CLIP3: variants seen among roughly 807,000 people sequenced by gnomAD.
CLIP3 encodes CAP-Gly domain-containing linker protein 3.
A neutral mutation model predicts 59.4 loss-of-function variants in CLIP3; 15 were observed. That is an observed-to-expected ratio of 0.25 (90% CI 0.17 to 0.39). The LOEUF is 0.39. Among genes scored for constraint, CLIP3 ranks in the 10% least tolerant of loss-of-function variants. The probability of loss-of-function intolerance (pLI) is 1.00; values close to 1 mark genes in which losing one functional copy is unlikely to be tolerated. For missense variants in CLIP3, 495 were observed against 765.7 expected (o/e 0.65, Z 4.17); for synonymous variants, 300 against 321.6 (o/e 0.93, Z 0.72).
Position 36,019,293 on chromosome 19 carries a change from C to T in CLIP3, c.932G>A (p.Arg311Gln), listed in dbSNP as rs1191810234. 3 of 1,612,458 alleles carry T rather than the reference C, an allele frequency of 1.9e-6. No homozygotes were observed. The highest frequency in any genetic ancestry group is 1.7e-5 in the Admixed American group (1 of 59,904). The change falls in exon 8 of 14, where the codon CGG becomes CAG. Residue 311 changes from arginine (R) to glutamine (Q), a missense_variant. By Grantham distance (43) the Arg-to-Gln change is conservative. Around this residue, in one of 5 missense-constraint regions of CLIP3, gnomAD observed 194 missense variants for 327.8 expected, o/e 0.59. Transcript: ENST00000360535. ...GGCAAACTCCGTGGTCCCACAGAACCGCAGTGTGCCCGTCTGGGGAGAGAA... is the reference window on the plus strand; with the variant it reads ...GGCAAACTCCGTGGTCCCACAGAACTGCAGTGTGCCCGTCTGGGGAGAGAA... ...LLDGQKTGTL[R>Q]FCGTTEFASG... is the part of the protein sequence containing the mutation.
At chr19:36,025,356 C>T (rs1969073877) in intron 6 of CLIP3, among the ~76,000 whole-genome samples, 1 of 151,464 alleles carries the variant, frequency 6.6e-6, no homozygotes, top group Admixed American at 6.6e-5. Context: ...TTTGTGAGGC[C>T]GAGGTGGGCA....
intron 2 of CLIP3, among the ~76,000 whole-genome samples, chr19:36,029,282 T>C (rs940314674): frequency 7.2e-6 from 1 of 139,640 alleles, no homozygotes; most frequent in Admixed American, 7.5e-5. Context: ...ATTGCACCAT[T>C]GCACTCCAGC....
At chr19:36,031,243 C>T (rs1969260037) in intron 2 of CLIP3, among the ~76,000 whole-genome samples, 1 of 151,974 alleles carries the variant, frequency 6.6e-6, no homozygotes, top group Non-Finnish European at 1.5e-5. Context: ...TCTCAAACTC[C>T]TGACCTCAGG....
Position 36,019,274 on chromosome 19 carries a change from C to G in CLIP3, c.951G>C (p.Glu317Asp). 1 of 1,613,556 alleles carries G rather than the reference C, an allele frequency of 6.2e-7. No homozygotes were observed. The highest frequency in any genetic ancestry group is 1.1e-5 in the South Asian group (1 of 91,086). The part of the protein sequence containing the change: ...TGTLRFCGTT[E>D]FASGQWVGVE... ...CGCCCACCCACTGGCCGCTGGCAAA[C>G]TCCGTGGTCCCACAGAACCGCAGTG... Residue 317 changes from glutamate (E) to aspartate (D), a missense_variant, in exon 8 of 14, where the codon GAG becomes GAC. By Grantham distance (45) the Glu-to-Asp change is conservative. Transcript: ENST00000360535.
chr19:36,030,037 G>A (rs953809651), intron 2 of CLIP3, among the ~76,000 whole-genome samples: 1 of 152,076 alleles, frequency 6.6e-6, no homozygotes, highest in Admixed American at 6.6e-5. Flanking sequence ...CCCGACCTCA[G>A]GCCCCAGATA....
At chr19:36,023,673 C>T (rs1267589863) in intron 7 of CLIP3, among the ~76,000 whole-genome samples, 2 of 151,910 alleles carry the variant, frequency 1.3e-5, no homozygotes, top group African/African-American at 2.4e-5. Context: ...CCCAAAATGC[C>T]GGGATTAGAG....
chr19:36,026,538 C>G lies in CLIP3; in HGVS notation c.562+48G>C, dbSNP rs777185299. On this transcript the variant is annotated intron_variant, in intron 5 of 13. Coordinates refer to ENST00000360535, the MANE Select transcript of CLIP3 (RefSeq NM_015526.3). The surrounding 1 kb of genome is among the most constrained non-coding windows in gnomAD (Gnocchi z 6.3). Reference sequence around the variant, plus strand: ...CCTGGCCTCACCTGGGTCTCCGCGTCCCTCACCCAGGTCCTTGCCCCCTCC... The same window carrying G: ...CCTGGCCTCACCTGGGTCTCCGCGTGCCTCACCCAGGTCCTTGCCCCCTCC... 14 of 1,605,774 alleles carry G rather than the reference C, an allele frequency of 8.7e-6. No homozygotes were observed. The highest frequency in any genetic ancestry group is 1.2e-5 in the Non-Finnish European group (14 of 1,175,168).
intron 12 of CLIP3, 152 bp downstream of exon 12, chr19:36,017,234 T>G: frequency 2.4e-6 from 2 of 843,488 alleles, no homozygotes; most frequent in Non-Finnish European, 3.9e-6. Flanking sequence ...CTCTAGCACC[T>G]ATCTTTTTGT....
chr19:36,017,514 G>A, intron 11 of CLIP3, 64 bp from the exon 12 acceptor site: 1 of 1,603,484 alleles, frequency 6.2e-7, no homozygotes, highest in Non-Finnish European at 8.5e-7. Flanking sequence ...ACTGAGAGCT[G>A]GGCCCCAGGG....
rs1439875421 is a variant in CLIP3 at position 36,017,652 on chromosome 19, C to T, written c.1451+3G>A. ...TGGGTTTGGGCTGGAAGTTTGGGCTCACCTCTGAATACGGGATGCTGGTGC... is the reference window on the plus strand; with the variant it reads ...TGGGTTTGGGCTGGAAGTTTGGGCTTACCTCTGAATACGGGATGCTGGTGC... On this transcript the variant is annotated splice_donor_region_variant and intron_variant, in intron 11 of 13. Coordinates refer to ENST00000360535, the MANE Select transcript of CLIP3 (RefSeq NM_015526.3). 2 of 1,613,850 alleles carry T rather than the reference C, an allele frequency of 1.2e-6. No individual in the cohort carries two copies. Among genetic ancestry groups the T allele is most frequent in the Admixed American group, 1.7e-5 (1 of 59,966 alleles).
At position 36,017,670 on chromosome 19, in the gene CLIP3, G is replaced by A; in HGVS notation, c.1436C>T (p.Ala479Val). 3.1e-6 allele frequency: 5 copies of A among 1,614,040 alleles called. No homozygotes were observed. Among genetic ancestry groups the A allele is most frequent in the Non-Finnish European group, 4.2e-6 (5 of 1,179,974 alleles). ...TTGGGCTCACCTCTGAATACGGGATGCTGGTGCGAAGACCCCATGCCTCGG... is the reference window on the plus strand; with the variant it reads ...TTGGGCTCACCTCTGAATACGGGATACTGGTGCGAAGACCCCATGCCTCGG... Reference protein sequence around the residue: ...CPPRHGVFAPASRIQRIGGST... With the variant: ...CPPRHGVFAPVSRIQRIGGST... Residue 479 changes from alanine (A) to valine (V), a missense_variant, in exon 11 of 14, where the codon GCA (alanine) becomes GTA (valine). Ala to Val is a moderately conservative substitution (Grantham distance 64). Around this residue, in one of 5 missense-constraint regions of CLIP3, gnomAD observed 179 missense variants for 226.2 expected, o/e 0.79. Coordinates refer to ENST00000360535, the MANE Select transcript of CLIP3 (RefSeq NM_015526.3).
At position 36,020,988 on chromosome 19, in the gene CLIP3, GGA is replaced by G. The variant is rs1968937054; in HGVS notation, c.919-1684_919-1683del. Among the ~76,000 whole-genome samples the G allele has an allele frequency of 2.0e-5, 3 of 152,110 alleles. No homozygotes were observed. In the South Asian group the frequency reaches 6.2e-4, roughly 32 times the overall value. On this transcript the variant is annotated intron_variant, in intron 7 of 13. Transcript: ENST00000360535. ...CCCTCCTCAGTCTCCCGAGTAGCTGGGACTACAGGTGAACGCCACCAAAGCCT... is the reference window on the plus strand; with the variant it reads ...CCCTCCTCAGTCTCCCGAGTAGCTGGCTACAGGTGAACGCCACCAAAGCCT...
chr19:36,027,872 C>T (rs117350998), intron 2 of CLIP3, among the ~76,000 whole-genome samples: 2,148 of 151,406 alleles, frequency 0.014, 118 homozygotes, highest in South Asian at 0.12. Context: ...CCTGTCTTTA[C>T]AAAAAGTTTT....
chr19:36,017,702 AG>A lies in CLIP3; in HGVS notation c.1403del (p.Thr468IlefsTer37). ...CGAAGACCCCATGCCTCGGGGGGCA[AG>A]TGAAGTACCGGACACCGAAGACAGA... ...DGSVFGVRYFTCPPRHGVFAP... is the reference protein window; with the variant it reads ...DGSVFGVRYFXCPPRHGVFAP... On this transcript the variant is annotated frameshift_variant, in exon 11 of 14. Transcript: ENST00000360535. LOFTEE classifies it high-confidence loss of function. The A allele has an allele frequency of 6.2e-7, 1 of 1,613,882 alleles. No homozygotes were observed. Among genetic ancestry groups the A allele is most frequent in the Non-Finnish European group, 8.5e-7 (1 of 1,179,832 alleles).
At chr19:36,028,273 G>C (rs1396121182) in intron 2 of CLIP3, among the ~76,000 whole-genome samples, 1 of 152,192 alleles carries the variant, frequency 6.6e-6, no homozygotes, top group Non-Finnish European at 1.5e-5. Flanking sequence ...AGGAGGCAAA[G>C]GCTGCAGTGA....
chr19:36,031,846 A>T (rs1969274750), intron 2 of CLIP3, among the ~76,000 whole-genome samples: 1 of 152,192 alleles, frequency 6.6e-6, no homozygotes, highest in South Asian at 2.1e-4. Context: ...TGTGGCTGTT[A>T]CTGAGGCCTG....
chr19:36,031,008 C>CT (rs374690845), intron 2 of CLIP3, among the ~76,000 whole-genome samples: 33,753 of 78,128 alleles, frequency 0.43, 5,585 homozygotes, highest in East Asian at 0.55. Context: ...TTTTTCTTTT[C>CT]TTTTTTTTTT....
chr19:36,022,082 G>C (rs900586503), intron 7 of CLIP3, among the ~76,000 whole-genome samples: 1 of 151,772 alleles, frequency 6.6e-6, no homozygotes, highest in Non-Finnish European at 1.5e-5. Flanking sequence ...AGGTTTCACC[G>C]GGTTAGCCAG....
Position 36,019,607 on chromosome 19 carries a change from A to ATT in CLIP3, c.919-303_919-302dup, listed in dbSNP as rs1413659385. Among the ~76,000 whole-genome samples the ATT allele has an allele frequency of 5.1e-4, 60 of 117,578 alleles. 2 individuals carry two copies. The highest frequency in any genetic ancestry group is 2.0e-3 in the East Asian group (9 of 4,534). The allele number at this position is 117,578 out of a possible 152,430, so 77.1% of individuals were successfully genotyped here. On this transcript the variant is annotated intron_variant, in intron 7 of 13. Transcript: ENST00000360535. ...ATTTATTTATTTATTTATTTTATTTATTTTTTTTTTTTTCGAGACAGCGTC... is the reference window on the plus strand; with the variant it reads ...ATTTATTTATTTATTTATTTTATTTATTTTTTTTTTTTTTTCGAGACAGCGTC...
Sources: allele counts gnomAD v4.1 joint callset (sites outside exome capture counted in the v4.1 genomes callset), GRCh38; gene constraint gnomAD v4.1.1; regional missense constraint gnomAD v4.1.1; non-coding constraint Gnocchi (gnomAD v3.1); transcripts MANE v1.5; gene names NCBI Gene and HGNC (gene_info 2026-07-23, HGNC 2026-07-21).